The following MDN1 variants were observed in gnomAD, a reference collection of about 807,000 sequenced individuals.
MDN1 encodes the protein midasin AAA ATPase 1.
A neutral mutation model predicts 669.2 loss-of-function variants in MDN1; 266 were observed. The observed-to-expected ratio is 0.40, with a 90% CI of 0.36 to 0.44. MDN1 has a LOEUF of 0.44. Among genes scored for constraint, MDN1 ranks in the 20% least tolerant of loss-of-function variants. The pLI is 1.00. For synonymous variants in MDN1, 2,385 were observed against 2,457.1 expected, an observed-to-expected ratio of 0.97 and a Z score of 0.87; for missense variants, 5,940 against 6,754.0, an observed-to-expected ratio of 0.88 and a Z score of 4.22.
intron 80 of MDN1, among the ~76,000 whole-genome samples, chr6:89,673,017 T>C (rs1209788006): frequency 6.6e-6 from 1 of 152,250 alleles, no homozygotes; most frequent in Non-Finnish European, 1.5e-5. Context: ...GAGCTGATGC[T>C]GCCTTCCTAT....
At chr6:89,751,379 C>CA in intron 23 of MDN1, 52 bp downstream of exon 23, 1 of 1,602,818 alleles carries the variant, frequency 6.2e-7, no homozygotes, top group East Asian at 2.2e-5. Context: ...AAAATGTCAT[C>CA]AATGCCTATG....
At chr6:89,648,423 C>G (rs1403453695) in intron 97 of MDN1, 94 bp from the exon 98 acceptor site, 5 of 1,246,060 alleles carry the variant, frequency 4.0e-6, no homozygotes, top group Non-Finnish European at 5.8e-6. Context: ...CCAAAGAAAA[C>G]ATTTTTTTGT....
rs1437350081 is a variant in MDN1, at chr6:89,771,635, A to G, written c.2084-14T>C. On this transcript the variant is annotated splice_polypyrimidine_tract_variant and intron_variant, in intron 14 of 101. Transcript: ENST00000369393. ...TCAAACGGTGGCCTTTTATAAAGAA[A>G]GTGCAAAAGTGTTACTCCAAAAATT... 6.2e-7 allele frequency: 1 copy of G among 1,610,374 alleles called. No homozygotes were observed. The highest frequency in any genetic ancestry group is 2.2e-5 in the East Asian group (1 of 44,854).
chr6:89,730,978 C>T, intron 34 of MDN1, 55 bp from the exon 35 acceptor site: 1 of 1,487,104 alleles, frequency 6.7e-7, no homozygotes, highest in Non-Finnish European at 9.2e-7. Flanking sequence ...AGCTTCACCA[C>T]CATTAAGCAG....
At chr6:89,689,610 T>C (rs1278765913) in intron 65 of MDN1, among the ~76,000 whole-genome samples, 1 of 152,228 alleles carries the variant, frequency 6.6e-6, no homozygotes, top group Non-Finnish European at 1.5e-5. Context: ...CTTATTTTCT[T>C]AATCCCTCAC....
chr6:89,814,183 G>A (rs1318174351), intron 1 of MDN1, among the ~76,000 whole-genome samples: 2 of 152,148 alleles, frequency 1.3e-5, no homozygotes, highest in Admixed American at 6.6e-5. Flanking sequence ...TGAAACACTA[G>A]TTCAGGCCAT....
intron 1 of MDN1, among the ~76,000 whole-genome samples, chr6:89,804,501 G>C (rs997091949): frequency 1.3e-5 from 2 of 152,102 alleles, no homozygotes; most frequent in African/African-American, 4.8e-5. Context: ...ACAATCTCCA[G>C]GGAATTCAAA....
intron 92 of MDN1, 141 bp downstream of exon 92, chr6:89,655,623 G>C: frequency 1.3e-6 from 1 of 770,220 alleles, no homozygotes. Flanking sequence ...CAGCTGACTT[G>C]ACTTGATCAT....
Position 89,754,128 on chromosome 6 carries a change from A to G in MDN1, c.2919T>C (p.Phe973=), listed in dbSNP as rs776899585. 4 of 1,614,114 alleles carry G rather than the reference A, an allele frequency of 2.5e-6. No homozygotes were observed. In the South Asian group the frequency reaches 4.4e-5, roughly 18 times the overall value. The change falls in exon 21 of 102, where the codon TTT becomes TTC. Residue 973 remains phenylalanine, a synonymous_variant. Coordinates refer to ENST00000369393, the MANE Select transcript of MDN1 (RefSeq NM_014611.3). ...TGTTGCCACATGGATTGGAGGCTGC[A>G]AATCGCAGGGCCCGGCACAGAGTCC... The part of the protein sequence containing the change: ...SLRTLCRALR[F]AASNPCGNIQ...
chr6:89,787,747 T>C, intron 8 of MDN1, 107 bp downstream of exon 8: 2 of 726,102 alleles, frequency 2.8e-6, no homozygotes, highest in Non-Finnish European at 4.6e-6. Context: ...CCAACTAACC[T>C]TGCTTGAAGT....
chr6:89,784,793 T>C (rs564370238), intron 9 of MDN1, among the ~76,000 whole-genome samples: 2 of 152,332 alleles, frequency 1.3e-5, no homozygotes, highest in East Asian at 1.9e-4. Context: ...TGGTTATATA[T>C]GAAAATGCCA....
chr6:89,702,027 C>T lies in MDN1; in HGVS notation c.8183G>A (p.Trp2728Ter). The change falls in exon 54 of 102, where the codon TGG becomes TAG. Residue 2728 changes from tryptophan (W) to a stop codon, truncating the protein, a stop_gained. Coordinates refer to ENST00000369393, the MANE Select transcript of MDN1 (RefSeq NM_014611.3). LOFTEE classifies it high-confidence loss of function. ...TACTTTTACTGTGTCGGCCACAGTCCAGAACCGGTCCCGCCACCGCAGAGA... is the reference window on the plus strand; with the variant it reads ...TACTTTTACTGTGTCGGCCACAGTCTAGAACCGGTCCCGCCACCGCAGAGA... ...LGSLRWRDRF[W>*]TVADTVKVDA... The T allele has an allele frequency of 6.2e-7, 1 of 1,612,314 alleles. No homozygotes were observed. The highest frequency in any genetic ancestry group is 8.5e-7 in the Non-Finnish European group (1 of 1,179,226).
At chr6:89,771,491 T>C in intron 15 of MDN1, 70 bp downstream of exon 15, 2 of 1,362,246 alleles carry the variant, frequency 1.5e-6, no homozygotes, top group South Asian at 2.4e-5. Context: ...TTGTTAACAC[T>C]AAGAAAACAG....
At chr6:89,706,257 CAA>C in intron 52 of MDN1, 65 bp from the exon 53 acceptor site, 1 of 1,486,798 alleles carries the variant, frequency 6.7e-7, no homozygotes, top group Non-Finnish European at 9.1e-7. Context: ...TGGACATTTT[CAA>C]AATAAACTGT....
At chr6:89,645,575 C>T (rs761511553) in intron 100 of MDN1, among the ~76,000 whole-genome samples, 28 of 152,192 alleles carry the variant, frequency 1.8e-4, no homozygotes, top group Non-Finnish European at 3.4e-4. Context: ...GGAACTGTGT[C>T]TTCCAAATTT....
intron 72 of MDN1, among the ~76,000 whole-genome samples, chr6:89,683,576 C>T (rs1400183378): frequency 6.6e-6 from 1 of 152,052 alleles, no homozygotes; most frequent in Admixed American, 6.5e-5. Context: ...TCAAAGTATA[C>T]AGCTAGTGGG....
intron 15 of MDN1, among the ~76,000 whole-genome samples, chr6:89,770,002 G>A (rs1237160462): frequency 6.6e-6 from 1 of 152,136 alleles, no homozygotes; most frequent in Admixed American, 6.5e-5. Context: ...GTAGGCCGAG[G>A]CAGGAGGATT....
intron 67 of MDN1, 22 bp from the exon 68 acceptor site, chr6:89,687,460 T>G: frequency 1.3e-6 from 2 of 1,597,946 alleles, no homozygotes; most frequent in South Asian, 1.1e-5. Context: ...AAGATAAAAT[T>G]TACTACAGAT....
intron 68 of MDN1, 85 bp from the exon 69 acceptor site, chr6:89,687,108 AT>A: frequency 6.4e-7 from 1 of 1,556,904 alleles, no homozygotes; most frequent in African/African-American, 1.4e-5. Flanking sequence ...ACATGCTCAC[AT>A]TTCTCTCCTC....
Sources: gnomAD v4.1 joint callset for allele counts (sites outside exome capture counted in the v4.1 genomes callset) on GRCh38, gnomAD v4.1.1 for gene constraint, MANE v1.5 for transcripts, NCBI Gene and HGNC (gene_info 2026-07-23, HGNC 2026-07-21) for gene names.